Variants in MACROD2 observed in about 807,000 individuals in gnomAD.
MACROD2 encodes the protein mono-ADP ribosylhydrolase 2.
In MACROD2, 36 loss-of-function variants were observed where a neutral mutation model predicts 70.4. That is an observed-to-expected ratio of 0.51 (90% CI 0.39 to 0.68). MACROD2 has a LOEUF of 0.68. MACROD2 is among the 30% of genes least tolerant of loss of function. The pLI is 0.00. For synonymous variants in MACROD2, 172 were observed against 178.8 expected, an observed-to-expected ratio of 0.96 and a Z score of 0.30; for missense variants, 496 against 538.4, an observed-to-expected ratio of 0.92 and a Z score of 0.78.
intron 5 of MACROD2, among the ~76,000 whole-genome samples, chr20:14,911,235 C>T (rs2074023308): frequency 6.6e-6 from 1 of 152,138 alleles, no homozygotes; most frequent in Admixed American, 6.5e-5. Flanking sequence ...TTAACCAGTT[C>T]CTTGGTGTGG....
chr20:15,323,975 T>A lies in MACROD2; in HGVS notation c.540+93914T>A, dbSNP rs560903350. Among the ~76,000 whole-genome samples the A allele has an allele frequency of 5.2e-3, 770 of 149,342 alleles. 1 individual carries two copies. The highest frequency in any genetic ancestry group is 0.021 in the Middle Eastern group (6 of 292). ...TAATACATGAATAGGATTGCAGAAC[T>A]TTTTTTTTTGTTTTCTGTGATGCTC... is the stretch of plus-strand genomic sequence containing the variant. On this transcript the variant is annotated intron_variant, in intron 6 of 17. Transcript: ENST00000684519.
At chr20:14,263,560 G>A (rs1373000337) in intron 3 of MACROD2, among the ~76,000 whole-genome samples, 2 of 152,134 alleles carry the variant, frequency 1.3e-5, no homozygotes, top group East Asian at 1.9e-4. Flanking sequence ...GTCAAGCTTT[G>A]TGCCATCTTA....
At chr20:14,615,637 T>G (rs1369610034) in intron 4 of MACROD2, among the ~76,000 whole-genome samples, 4 of 152,092 alleles carry the variant, frequency 2.6e-5, no homozygotes, top group Admixed American at 2.0e-4. Context: ...AAGCTCAGGC[T>G]AAGCAGCTTA....
intron 3 of MACROD2, among the ~76,000 whole-genome samples, chr20:14,279,871 T>A (rs796729989): frequency 7.2e-5 from 11 of 152,306 alleles, no homozygotes; most frequent in African/African-American, 2.6e-4. Flanking sequence ...CGCGGAAACA[T>A]TTCTAAGTTA....
intron 8 of MACROD2, among the ~76,000 whole-genome samples, chr20:15,579,141 G>A (rs371580478): frequency 2.0e-5 from 3 of 151,932 alleles, no homozygotes; most frequent in African/African-American, 4.8e-5. Context: ...GTTTTCTCTC[G>A]GGAGAAAATA....
At chr20:14,046,304 A>G (rs2053473730) in intron 2 of MACROD2, among the ~76,000 whole-genome samples, 1 of 152,204 alleles carries the variant, frequency 6.6e-6, no homozygotes, top group Admixed American at 6.5e-5. Context: ...TAAGAAAAAC[A>G]AATGTCATCC....
intron 15 of MACROD2, among the ~76,000 whole-genome samples, chr20:15,990,378 T>A (rs1474801859): frequency 6.6e-6 from 1 of 152,224 alleles, no homozygotes; most frequent in Non-Finnish European, 1.5e-5. Flanking sequence ...TTAGAAATAT[T>A]TGACATAAAA....
At chr20:15,362,179 T>C (rs1012474924) in intron 6 of MACROD2, among the ~76,000 whole-genome samples, 13 of 151,728 alleles carry the variant, frequency 8.6e-5, no homozygotes, top group African/African-American at 2.4e-5. Flanking sequence ...ACCCAGTGAG[T>C]TTTTATATTT....
At chr20:14,805,944 C>T (rs531997432) in intron 5 of MACROD2, among the ~76,000 whole-genome samples, 1 of 152,154 alleles carries the variant, frequency 6.6e-6, no homozygotes, top group East Asian at 1.9e-4. Context: ...CATAATCTGG[C>T]ATCTCTTTGC....
At chr20:15,029,534 G>A (rs966423661) in intron 5 of MACROD2, among the ~76,000 whole-genome samples, 1 of 152,098 alleles carries the variant, frequency 6.6e-6, no homozygotes, top group Non-Finnish European at 1.5e-5. Flanking sequence ...CTAGTTTAGG[G>A]ACCACACTTT....
At chr20:15,013,957 T>A (rs1475359896) in intron 5 of MACROD2, among the ~76,000 whole-genome samples, 1 of 152,170 alleles carries the variant, frequency 6.6e-6, no homozygotes, top group East Asian at 1.9e-4. Context: ...TAGCTCAGGA[T>A]CCAAACACCA....
chr20:14,166,790 A>G (rs1234323534), intron 3 of MACROD2, among the ~76,000 whole-genome samples: 17 of 151,934 alleles, frequency 1.1e-4, no homozygotes, highest in Admixed American at 6.6e-4. Context: ...CAATTCAGCC[A>G]TTTATCCTAT....
intron 6 of MACROD2, among the ~76,000 whole-genome samples, chr20:15,250,136 A>G (rs534758863): frequency 6.6e-6 from 1 of 152,340 alleles, no homozygotes; most frequent in South Asian, 2.1e-4. Context: ...TGTTTGTGAT[A>G]GCACAGACTA....
intron 8 of MACROD2, among the ~76,000 whole-genome samples, chr20:15,527,337 G>A (rs541587869): frequency 6.6e-6 from 1 of 152,110 alleles, no homozygotes; most frequent in Non-Finnish European, 1.5e-5. Flanking sequence ...GTTCTACTCA[G>A]CAACATAATG....
chr20:15,534,759 A>G (rs536079696), intron 8 of MACROD2, among the ~76,000 whole-genome samples: 167 of 152,170 alleles, frequency 1.1e-3, no homozygotes, highest in Non-Finnish European at 1.3e-3. Flanking sequence ...TGTGGAGTAA[A>G]CAAAGCAAAG....
chr20:14,728,355 A>G (rs186843271), intron 5 of MACROD2, among the ~76,000 whole-genome samples: 1 of 152,316 alleles, frequency 6.6e-6, no homozygotes, highest in Non-Finnish European at 1.5e-5. Flanking sequence ...TTAAAAATAA[A>G]CTGACTTAAA....
intron 10 of MACROD2, among the ~76,000 whole-genome samples, chr20:15,899,660 C>T (rs1330692713): frequency 6.6e-6 from 1 of 152,168 alleles, no homozygotes; most frequent in East Asian, 1.9e-4. Flanking sequence ...CACTTTCCAT[C>T]ATATTTTTAC....
intron 5 of MACROD2, among the ~76,000 whole-genome samples, chr20:15,024,978 A>G (rs2075219146): frequency 6.6e-6 from 1 of 152,148 alleles, no homozygotes; most frequent in African/African-American, 2.4e-5. Context: ...ACGATTCTTT[A>G]TCAAAAGAAG....
intron 3 of MACROD2, among the ~76,000 whole-genome samples, chr20:14,449,904 A>T (rs1001969642): frequency 6.6e-6 from 1 of 152,114 alleles, no homozygotes; most frequent in Non-Finnish European, 1.5e-5. Context: ...TAAAAGGAGC[A>T]GTGTAAATAA....
Sources: allele counts gnomAD v4.1 joint callset (sites outside exome capture counted in the v4.1 genomes callset), GRCh38; gene constraint gnomAD v4.1.1; transcripts MANE v1.5; gene names NCBI Gene and HGNC (gene_info 2026-07-23, HGNC 2026-07-21).